Variants in RNPEPL1 observed in about 807,000 individuals in gnomAD.
RNPEPL1 encodes the protein aminopeptidase RNPEPL1.
RNPEPL1 carries 46 observed loss-of-function variants against 69.0 expected under a neutral mutation model. The observed-to-expected ratio is 0.67, with a 90% confidence interval of 0.53 to 0.85. The LOEUF is 0.85. Ranked by LOEUF, RNPEPL1 falls within the 40% of genes least tolerant of loss-of-function variation. The probability of loss-of-function intolerance (pLI) is 0.00; values close to 1 mark genes in which losing one functional copy is unlikely to be tolerated. For missense variants in RNPEPL1, 869 were observed against 992.5 expected (o/e 0.88, Z 1.67); for synonymous variants, 525 against 454.1 (o/e 1.16, Z -1.98).
At chr2:240,576,415 C>T (rs1378710659) in intron 8 of RNPEPL1, 120 bp from the exon 9 acceptor site, 50 of 911,178 alleles carry the variant, frequency 5.5e-5, no homozygotes, top group Middle Eastern at 3.2e-4. Flanking sequence ...GAACAGCCCA[C>T]GTCCCTGGAA....
intron 6 of RNPEPL1, 81 bp downstream of exon 6, chr2:240,574,709 G>A: frequency 8.1e-7 from 1 of 1,231,288 alleles, no homozygotes. Context: ...GTGTGTTCTG[G>A]CTGTGGCTTC....
chr2:240,573,409 CCA>C (rs2093028154), intron 3 of RNPEPL1, 148 bp downstream of exon 3: 2 of 437,748 alleles, frequency 4.6e-6, no homozygotes, highest in Non-Finnish European at 6.9e-6. Flanking sequence ...TGCCTTGGTG[CCA>C]CCGCCAGGGC....
intron 6 of RNPEPL1, 159 bp downstream of exon 6, chr2:240,574,787 C>T: frequency 1.4e-6 from 1 of 699,178 alleles, no homozygotes; most frequent in Non-Finnish European, 2.4e-6. Flanking sequence ...GGCAAGGCCT[C>T]CCCAGGCTCC....
Position 240,570,411 on chromosome 2 carries a change from T to C in RNPEPL1, c.528+1297T>C, listed in dbSNP as rs2093017902. 2.0e-5 allele frequency among the ~76,000 whole-genome samples: 3 copies of C among 152,206 alleles called. No individual in the cohort carries two copies. In the South Asian group the frequency reaches 6.2e-4, roughly 31 times the overall value. ...TGTGGACAGGGGGCCTAGCGTCACCTGGCCTGTGAGCCGCCCTACTTGCAG... is the reference window on the plus strand; with the variant it reads ...TGTGGACAGGGGGCCTAGCGTCACCCGGCCTGTGAGCCGCCCTACTTGCAG... On this transcript the variant is annotated intron_variant, in intron 1 of 10. Coordinates refer to ENST00000270357, the MANE Select transcript of RNPEPL1 (RefSeq NM_018226.6).
At position 240,580,416 on chromosome 2, in the gene RNPEPL1, G is replaced by C. The variant is rs1483102948; in HGVS notation, c.*2524G>C. On this transcript the variant is annotated 3_prime_UTR_variant, in exon 11 of 11. Transcript: ENST00000270357. ...CACAGCACCCCTCTCCTAGCGGCCA[G>C]CTTCTCTATTAGGCCACGTTATGCT... 6.6e-6 allele frequency: 1 copy of C among 152,200 alleles called. No homozygotes were observed. The highest frequency in any genetic ancestry group is 1.5e-5 in the Non-Finnish European group (1 of 68,064). The allele number at this position is 152,200 out of a possible 1,614,324, so 9.4% of individuals were successfully genotyped here.
In RNPEPL1 at chr2:240,573,790, C is replaced by T. The variant is rs1023916268; in HGVS notation, c.837C>T (p.Ala279=). Reference sequence around the variant, plus strand: ...CATGCACCAGGAGCCGCGTGTGGGCCGAGCCATGCCTCCTGCCCACGGCCA... The same window carrying T: ...CATGCACCAGGAGCCGCGTGTGGGCTGAGCCATGCCTCCTGCCCACGGCCA... The part of the protein sequence containing the change: ...ADIGPRSRVW[A]EPCLLPTATS... The change falls in exon 4 of 11, where the codon GCC becomes GCT. Residue 279 remains alanine, a synonymous_variant. Transcript: ENST00000270357. 102 of 1,544,552 alleles carry T rather than the reference C, an allele frequency of 6.6e-5. No individual in the cohort carries two copies. Among genetic ancestry groups the T allele is most frequent in the Middle Eastern group, 1.9e-4 (1 of 5,216 alleles).
intron 1 of RNPEPL1, among the ~76,000 whole-genome samples, chr2:240,570,354 C>T (rs2093017706): frequency 6.6e-6 from 1 of 152,204 alleles, no homozygotes; most frequent in Non-Finnish European, 1.5e-5. Flanking sequence ...GGCATAGTCC[C>T]CCAAGTCTGC....
chr2:240,575,724 T>C, intron 8 of RNPEPL1, 114 bp downstream of exon 8: 1 of 788,380 alleles, frequency 1.3e-6, no homozygotes, highest in Non-Finnish European at 2.1e-6. Context: ...GTTCACTGTC[T>C]GTCCTTCAGC....
intron 1 of RNPEPL1, 48 bp downstream of exon 1, chr2:240,569,162 T>C: frequency 4.3e-6 from 6 of 1,379,664 alleles, no homozygotes; most frequent in Non-Finnish European, 4.7e-6. Context: ...CGCAGGGCGC[T>C]GCTAGCGGCC....
chr2:240,573,303 C>T (rs776590703), intron 3 of RNPEPL1, 42 bp downstream of exon 3: 85 of 1,525,630 alleles, frequency 5.6e-5, no homozygotes, highest in East Asian at 3.9e-4. Context: ...GCGCAGGCCT[C>T]GGGGAGAGCC....
In RNPEPL1 at chr2:240,578,754, AC is replaced by A. The variant is rs1418923694; in HGVS notation, c.*863del. 6.6e-6 allele frequency: 1 copy of A among 151,392 alleles called. No individual in the cohort carries two copies. Among genetic ancestry groups the A allele is most frequent in the Non-Finnish European group, 1.5e-5 (1 of 67,990 alleles). The allele number at this position is 151,392 out of a possible 1,614,324, so 9.4% of individuals were successfully genotyped here. ...CTGATCTCCTGCGCTCTTTCTCGCG[AC>A]TCTTGTCCTCTGCATCTTCCTGGCT... On this transcript the variant is annotated 3_prime_UTR_variant, in exon 11 of 11. Transcript: ENST00000270357.
At chr2:240,572,329 A>C in intron 1 of RNPEPL1, 94 bp from the exon 2 acceptor site, 1 of 1,420,288 alleles carries the variant, frequency 7.0e-7, no homozygotes. Flanking sequence ...GTCCCCTCCC[A>C]GAGCCTCCTG....
chr2:240,571,330 C>T lies in RNPEPL1; in HGVS notation c.529-1093C>T, dbSNP rs538352154. The stretch of plus-strand genomic sequence containing the variant: ...TCCTCCAGGCCTCAGCTGTGGATTC[C>T]ACTTGTCCAGTCTTAGAAGCATGTT... On this transcript the variant is annotated intron_variant, in intron 1 of 10. Coordinates refer to ENST00000270357, the MANE Select transcript of RNPEPL1 (RefSeq NM_018226.6). Among the ~76,000 whole-genome samples the T allele has an allele frequency of 2.6e-5, 4 of 152,334 alleles. No homozygotes were observed. The East Asian group carries it at 7.7e-4, about 29-fold the overall frequency.
At position 240,574,506 on chromosome 2, in the gene RNPEPL1, C is replaced by A. The variant is rs377265496; in HGVS notation, c.1175-9C>A. 5.0e-6 allele frequency: 8 copies of A among 1,607,036 alleles called. No individual in the cohort carries two copies. Among genetic ancestry groups the A allele is most frequent in the Non-Finnish European group, 6.8e-6 (8 of 1,177,108 alleles). ...CCTCACCTCTCCTCTGTCTCCGGAC[C>A]CCATCCAGGTGCTGCCTTCACCTGC... On this transcript the variant is annotated splice_polypyrimidine_tract_variant and intron_variant, in intron 5 of 10. Coordinates refer to ENST00000270357, the MANE Select transcript of RNPEPL1 (RefSeq NM_018226.6).
At chr2:240,569,814 CAT>C (rs2125447881) in intron 1 of RNPEPL1, among the ~76,000 whole-genome samples, 2 of 152,348 alleles carry the variant, frequency 1.3e-5, no homozygotes, top group East Asian at 3.9e-4. Context: ...TGACACCCGA[CAT>C]ATGCAAGACA....
intron 8 of RNPEPL1, chr2:240,575,889 G>A (rs1415843344): frequency 2.0e-6 from 1 of 488,660 alleles, no homozygotes; most frequent in Non-Finnish European, 3.7e-6. Context: ...AAAGGGCCTG[G>A]TGCAGGAAGG....
Position 240,573,796 on chromosome 2 carries a change from A to ATGCCTCCTGCCC in RNPEPL1, c.844_855dup (p.Cys282_Pro285dup). On this transcript the variant is annotated inframe_insertion, in exon 4 of 11. Transcript: ENST00000270357. Reference sequence around the variant, plus strand: ...CCAGGAGCCGCGTGTGGGCCGAGCCATGCCTCCTGCCCACGGCCACCAGCA... The same window carrying ATGCCTCCTGCCC: ...CCAGGAGCCGCGTGTGGGCCGAGCCATGCCTCCTGCCCTGCCTCCTGCCCACGGCCACCAGCA... 6.5e-7 allele frequency: 1 copy of ATGCCTCCTGCCC among 1,547,184 alleles called. No individual in the cohort carries two copies. Among genetic ancestry groups the ATGCCTCCTGCCC allele is most frequent in the Non-Finnish European group, 8.7e-7 (1 of 1,145,256 alleles).
Position 240,577,110 on chromosome 2 carries a change from G to A in RNPEPL1, c.1884+120G>A, listed in dbSNP as rs1417345666. The A allele has an allele frequency of 9.9e-6, 13 of 1,315,002 alleles. 1 individual carries two copies. Among genetic ancestry groups the A allele is most frequent in the South Asian group, 6.5e-5 (5 of 76,774 alleles). 81.5% of individuals were successfully genotyped at this position (1,315,002 alleles called of 1,614,324 possible). On this transcript the variant is annotated intron_variant, in intron 10 of 10. Coordinates refer to ENST00000270357, the MANE Select transcript of RNPEPL1 (RefSeq NM_018226.6). ...CCAGGCACATTCTGGAGAATGGGGC[G>A]GGGAAGACGTAGGGGTCTGTTGGGA...
chr2:240,574,136 C>T lies in RNPEPL1; in HGVS notation c.962C>T (p.Pro321Leu). Residue 321 changes from proline (P) to leucine (L), a missense_variant, in exon 5 of 11, where the codon CCC (proline) becomes CTC (leucine). Physicochemically the swap from Pro to Leu is moderately conservative, Grantham distance 98. Coordinates refer to ENST00000270357, the MANE Select transcript of RNPEPL1 (RefSeq NM_018226.6). ...AGGTACGACATTGTCTTCCTGCCACCCTCCTTCCCCATCGTGGCCATGGAG... is the reference window on the plus strand; with the variant it reads ...AGGTACGACATTGTCTTCCTGCCACTCTCCTTCCCCATCGTGGCCATGGAG... ...WGRYDIVFLP[P>L]SFPIVAMENP... 6.2e-7 allele frequency: 1 copy of T among 1,613,198 alleles called. No individual in the cohort carries two copies. The highest frequency in any genetic ancestry group is 8.5e-7 in the Non-Finnish European group (1 of 1,179,844).
Sources: allele counts gnomAD v4.1 joint callset (sites outside exome capture counted in the v4.1 genomes callset), GRCh38; gene constraint gnomAD v4.1.1; transcripts MANE v1.5; gene names NCBI Gene and HGNC (gene_info 2026-07-23, HGNC 2026-07-21).